AIG1: variants seen among roughly 807,000 people sequenced by gnomAD.
The protein encoded by AIG1 is androgen induced 1.
AIG1 carries 23 observed loss-of-function variants against 31.4 expected under a neutral mutation model. The ratio of observed to expected loss-of-function variants is 0.73; its 90% CI spans 0.53 to 1.04. The LOEUF is 1.04. Ranked by LOEUF, AIG1 falls within the 50% of genes least tolerant of loss-of-function variation. The pLI, the probability that AIG1 is intolerant of heterozygous loss-of-function variation, is 0.00. For synonymous variants in AIG1, 100 were observed against 110.5 expected, an observed-to-expected ratio of 0.90 and a Z score of 0.60; for missense variants, 274 against 295.0, an observed-to-expected ratio of 0.93 and a Z score of 0.52.
rs1050151651 is a variant in AIG1 at position 143,250,856 on chromosome 6, T to C, written c.400-33254T>C. ...ATTTATTTTTTATCATCAGCAATCA[T>C]TAGTGTATTTTATGTGTGGCCTAAG... On this transcript the variant is annotated intron_variant, in intron 3 of 5. Coordinates refer to ENST00000357847, the MANE Select transcript of AIG1 (RefSeq NM_016108.4). Among the ~76,000 whole-genome samples the C allele has an allele frequency of 3.3e-5, 5 of 152,332 alleles. No individual in the cohort carries two copies. The East Asian group carries it at 9.6e-4, about 29-fold the overall frequency.
intron 1 of AIG1, chr6:143,061,690 C>T (rs958050049): frequency 1.0e-5 from 2 of 198,104 alleles, no homozygotes; most frequent in African/African-American, 4.6e-5. Flanking sequence ...TCCAAGGTGA[C>T]TGTACACACT....
At chr6:143,245,980 A>G (rs1794594108) in intron 3 of AIG1, among the ~76,000 whole-genome samples, 1 of 152,146 alleles carries the variant, frequency 6.6e-6, no homozygotes, top group South Asian at 2.1e-4. Flanking sequence ...GCCGCACATA[A>G]AATACACTAA....
chr6:143,112,744 G>A (rs1014441123), intron 1 of AIG1, among the ~76,000 whole-genome samples: 1 of 152,250 alleles, frequency 6.6e-6, no homozygotes, highest in African/African-American at 2.4e-5. Context: ...TCCTCTCCAG[G>A]AAAACTCCTG....
intron 1 of AIG1, among the ~76,000 whole-genome samples, chr6:143,096,670 G>A (rs1201486644): frequency 1.3e-5 from 2 of 152,074 alleles, no homozygotes; most frequent in Non-Finnish European, 2.9e-5. Flanking sequence ...TTCATTTATG[G>A]GTACAGTATC....
intron 3 of AIG1, among the ~76,000 whole-genome samples, chr6:143,176,258 A>G (rs1475653434): frequency 6.6e-6 from 1 of 152,046 alleles, no homozygotes; most frequent in Non-Finnish European, 1.5e-5. Flanking sequence ...ATTTTTGTGC[A>G]CTGGTTTTGT....
At chr6:143,310,242 G>A (rs1220941067) in intron 4 of AIG1, among the ~76,000 whole-genome samples, 1 of 151,752 alleles carries the variant, frequency 6.6e-6, no homozygotes, top group Non-Finnish European at 1.5e-5. Flanking sequence ...CCTATTCGGG[G>A]CAATAAAACA....
At chr6:143,085,957 T>C (rs771484281) in intron 1 of AIG1, among the ~76,000 whole-genome samples, 2 of 152,268 alleles carry the variant, frequency 1.3e-5, no homozygotes, top group Non-Finnish European at 2.9e-5. Context: ...ATCAACTTTT[T>C]CTAACAGAAT....
At position 143,297,961 on chromosome 6, in the gene AIG1, C is replaced by T. The variant is rs1011842364; in HGVS notation, c.515+13736C>T. 6.6e-5 allele frequency among the ~76,000 whole-genome samples: 10 copies of T among 151,710 alleles called. No homozygotes were observed. The highest frequency in any genetic ancestry group is 1.7e-4 in the African/African-American group (7 of 41,280). ...AAGTCACCCATAAAGCTGAGAATTA[C>T]GTACAAAACTCTTACATAAATTAAA... On this transcript the variant is annotated intron_variant, in intron 4 of 5. Coordinates refer to ENST00000357847, the MANE Select transcript of AIG1 (RefSeq NM_016108.4). The surrounding 1 kb of genome is among the most constrained non-coding windows in gnomAD (Gnocchi z 5.1).
chr6:143,136,710 T>G, intron 1 of AIG1, 125 bp from the exon 2 acceptor site: 1 of 913,356 alleles, frequency 1.1e-6, no homozygotes, highest in Non-Finnish European at 1.5e-6. Context: ...TAGGAGCAGC[T>G]CTTTAAAATA....
chr6:143,206,025 G>A (rs2128610837), intron 3 of AIG1, among the ~76,000 whole-genome samples: 1 of 152,290 alleles, frequency 6.6e-6, no homozygotes, highest in East Asian at 1.9e-4. Context: ...GTTTTTAAAT[G>A]ACCAAGGTAT....
Position 143,299,332 on chromosome 6 carries a change from G to A in AIG1, c.515+15107G>A, listed in dbSNP as rs778105205. ...ACTCTTCCAAGTCTCAGCTAGCAGA[G>A]TCGAGAAATAGCATGACATAGGGCA... On this transcript the variant is annotated intron_variant, in intron 4 of 5. Coordinates refer to ENST00000357847, the MANE Select transcript of AIG1 (RefSeq NM_016108.4). The surrounding 1 kb of genome is among the most constrained non-coding windows in gnomAD (Gnocchi z 4.1). The A allele has an allele frequency of 2.0e-5, 3 of 152,210 alleles. No individual in the cohort carries two copies. Among genetic ancestry groups the A allele is most frequent in the Non-Finnish European group, 4.4e-5 (3 of 68,054 alleles). 9.4% of individuals were successfully genotyped at this position (152,210 alleles called of 1,614,324 possible).
At chr6:143,251,671 G>A (rs368175534) in intron 3 of AIG1, among the ~76,000 whole-genome samples, 1 of 152,106 alleles carries the variant, frequency 6.6e-6, no homozygotes, top group Non-Finnish European at 1.5e-5. Context: ...TTCAGGTTCT[G>A]TTTACCTAGA....
chr6:143,203,201 A>C (rs781388997), intron 3 of AIG1, among the ~76,000 whole-genome samples: 1 of 152,214 alleles, frequency 6.6e-6, no homozygotes, highest in Non-Finnish European at 1.5e-5. Flanking sequence ...TCTCTTGGAA[A>C]TGGCTGTAGT....
intron 4 of AIG1, among the ~76,000 whole-genome samples, chr6:143,317,453 C>A (rs1179132596): frequency 6.6e-6 from 1 of 152,074 alleles, no homozygotes; most frequent in Non-Finnish European, 1.5e-5. Context: ...CAAAATCCAG[C>A]ATCCCTTTAT....
intron 2 of AIG1, among the ~76,000 whole-genome samples, chr6:143,143,328 C>T (rs539669221): frequency 1.3e-5 from 2 of 148,800 alleles, no homozygotes; most frequent in South Asian, 4.3e-4. Flanking sequence ...AACCCCATCT[C>T]TACTAAAAAA....
intron 2 of AIG1, among the ~76,000 whole-genome samples, chr6:143,149,040 CA>C (rs1784945468): frequency 6.6e-6 from 1 of 152,128 alleles, no homozygotes; most frequent in Admixed American, 6.5e-5. Flanking sequence ...ATGATGTTTA[CA>C]GGATGGTAAA....
chr6:143,061,259 A>G (rs1418506334), intron 1 of AIG1, 193 bp downstream of exon 1: 9 of 738,598 alleles, frequency 1.2e-5, no homozygotes, highest in Non-Finnish European at 2.2e-5. Context: ...GCACCTTCTG[A>G]ACCACTCACC....
intron 3 of AIG1, chr6:143,188,188 C>T (rs541534214): frequency 1.6e-5 from 16 of 995,560 alleles, no homozygotes; most frequent in East Asian, 1.1e-4. Context: ...TCTCTTTACT[C>T]GTAAGCTGCC....
chr6:143,178,495 C>G (rs1310458973), intron 3 of AIG1, among the ~76,000 whole-genome samples: 5 of 152,204 alleles, frequency 3.3e-5, no homozygotes, highest in African/African-American at 9.7e-5. Flanking sequence ...CTTATTAGGA[C>G]TACAGGCATC....
Sources: gnomAD v4.1 joint callset for allele counts (sites outside exome capture counted in the v4.1 genomes callset) on GRCh38, gnomAD v4.1.1 for gene constraint, Gnocchi (gnomAD v3.1) non-coding constraint, MANE v1.5 for transcripts, NCBI Gene and HGNC (gene_info 2026-07-23, HGNC 2026-07-21) for gene names.